The following SS18L2 variants were observed in gnomAD, a reference collection of about 807,000 sequenced individuals.
SS18L2 encodes SS18-like protein 2.
A neutral mutation model predicts 10.3 loss-of-function variants in SS18L2; 8 were observed. That is an observed-to-expected ratio of 0.78 (90% CI 0.46 to 1.41). The LOEUF (loss-of-function observed/expected upper bound fraction) is 1.41, where lower values mean the gene tolerates loss of function less well. Ranked by LOEUF, SS18L2 falls within the 40% of genes most tolerant of loss-of-function variation. The pLI, the probability that SS18L2 is intolerant of heterozygous loss-of-function variation, is 0.00. For synonymous variants in SS18L2, 41 were observed against 34.6 expected (o/e 1.19, Z -0.65); for missense variants, 100 against 96.2 (o/e 1.04, Z -0.17).
upstream of SS18L2, among the ~76,000 whole-genome samples, chr3:42,588,543 T>C (rs1284906792): frequency 6.6e-6 from 1 of 152,236 alleles, no homozygotes; most frequent in Non-Finnish European, 1.5e-5. Flanking sequence ...TGTGTGTATA[T>C]ATACATACCA....
intron 1 of SS18L2, among the ~76,000 whole-genome samples, chr3:42,583,094 C>G (rs950201889): frequency 5.9e-5 from 9 of 152,168 alleles, no homozygotes; most frequent in African/African-American, 1.9e-4. Context: ...ATAGAAGGGG[C>G]AGGACCATGT....
intron 1 of SS18L2, among the ~76,000 whole-genome samples, chr3:42,585,206 T>G (rs1704571345): frequency 6.6e-6 from 1 of 152,178 alleles, no homozygotes; most frequent in African/African-American, 2.4e-5. Context: ...GTGCGAGTGC[T>G]TTAGAACAGG....
At position 42,590,972 on chromosome 3, in the gene SS18L2, C is replaced by T; in HGVS notation, c.69+6C>T. The T allele has an allele frequency of 1.4e-6, 2 of 1,408,710 alleles. No individual in the cohort carries two copies. The highest frequency in any genetic ancestry group is 2.0e-6 in the Non-Finnish European group (2 of 1,010,678). The allele number at this position is 1,408,710 out of a possible 1,614,324, so 87.3% of individuals were successfully genotyped here. On this transcript the variant is annotated splice_donor_region_variant and intron_variant, in intron 1 of 2. Transcript: ENST00000011691. Reference sequence around the variant, plus strand: ...ATCAAGAGACTATCCAGCGGGTGAGCATCCACGCGGGCGGGCGGGCGGGCG... The same window carrying T: ...ATCAAGAGACTATCCAGCGGGTGAGTATCCACGCGGGCGGGCGGGCGGGCG...
upstream of SS18L2, among the ~76,000 whole-genome samples, chr3:42,590,306 C>T (rs1273167446): frequency 2.6e-5 from 4 of 152,156 alleles, no homozygotes; most frequent in Non-Finnish European, 5.9e-5. Context: ...GATCTGAAGC[C>T]ATGTATCTGG....
At position 42,590,939 on chromosome 3, in the gene SS18L2, G is replaced by A; in HGVS notation, c.42G>A (p.Ala14=). ...TACCGGACTGGCTGAGGGGCAAGGC[G>A]GAAGTCAATCAAGAGACTATCCAGC... ...AFVPDWLRGK[A]EVNQETIQRL... The change falls in exon 1 of 3, where the codon GCG becomes GCA. Residue 14 remains alanine (A), a synonymous_variant. Coordinates refer to ENST00000011691, the MANE Select transcript of SS18L2 (RefSeq NM_001370300.1). 2 of 1,402,612 alleles carry A rather than the reference G, an allele frequency of 1.4e-6. No homozygotes were observed. Among genetic ancestry groups the A allele is most frequent in the Non-Finnish European group, 1.9e-6 (2 of 1,046,720 alleles). The allele number at this position is 1,402,612 out of a possible 1,614,324, so 86.9% of individuals were successfully genotyped here.
intron 1 of SS18L2, among the ~76,000 whole-genome samples, chr3:42,583,531 C>T (rs1704503556): frequency 6.6e-6 from 1 of 152,102 alleles, no homozygotes; most frequent in African/African-American, 2.4e-5. Flanking sequence ...ATTTGAGGCA[C>T]CTTTGAGACT....
Position 42,592,357 on chromosome 3 carries a change from G to A in SS18L2, c.146+756G>A, listed in dbSNP as rs1287423767. On this transcript the variant is annotated intron_variant, in intron 2 of 2. Transcript: ENST00000011691. ...TGGGACTACAGGCGTGTGCCACCAC[G>A]CCCTGCTAATTTTTATATTTGTAGT... Among the ~76,000 whole-genome samples the A allele has an allele frequency of 5.3e-5, 8 of 151,914 alleles. No homozygotes were observed. The South Asian group carries it at 1.0e-3, about 20-fold the overall frequency.
intron 1 of SS18L2, chr3:42,591,174 C>T (rs1191779443): frequency 8.2e-6 from 5 of 609,694 alleles, no homozygotes; most frequent in African/African-American, 1.9e-5. Flanking sequence ...GCCGTCCAGA[C>T]GTCACACTGC....
At chr3:42,593,121 G>A (rs948487265) in intron 2 of SS18L2, among the ~76,000 whole-genome samples, 1 of 152,184 alleles carries the variant, frequency 6.6e-6, no homozygotes, top group African/African-American at 2.4e-5. Flanking sequence ...TAAACTGTGA[G>A]CCAGGTGTGG....
rs955186503 is a variant in SS18L2 at position 42,594,622 on chromosome 3, C to T, written c.*113C>T. ...TCTTTACCAACTCAACTGGTTAAAA[C>T]ATGAATGAAACCTCTGTGGCTCTTT... On this transcript the variant is annotated 3_prime_UTR_variant, in exon 3 of 3. Transcript: ENST00000011691. 1.2e-6 allele frequency: 1 copy of T among 862,830 alleles called. No homozygotes were observed. The allele number at this position is 862,830 out of a possible 1,614,324, so 53.4% of individuals were successfully genotyped here.
chr3:42,590,801 C>T, upstream of SS18L2: 1 of 1,267,928 alleles, frequency 7.9e-7, no homozygotes, highest in Non-Finnish European at 1.2e-6. Context: ...CTGTACCCCG[C>T]CCTGTAGGCG....
chr3:42,586,492 G>A (rs1704612685), upstream of SS18L2, among the ~76,000 whole-genome samples: 1 of 151,604 alleles, frequency 6.6e-6, no homozygotes. Context: ...CAAAGTGCTG[G>A]CATTACAGGT....
At chr3:42,586,246 GAC>G (rs1264819119), upstream of SS18L2, among the ~76,000 whole-genome samples, 1 of 152,158 alleles carries the variant, frequency 6.6e-6, no homozygotes, top group South Asian at 2.1e-4. Context: ...TTGTTGTTGA[GAC>G]AGAGTCTCGC....
chr3:42,593,400 G>A (rs1205423863), intron 2 of SS18L2, among the ~76,000 whole-genome samples: 1 of 152,218 alleles, frequency 6.6e-6, no homozygotes, highest in Non-Finnish European at 1.5e-5. Flanking sequence ...CTGGGTGACA[G>A]AGCAAGACTC....
chr3:42,589,376 G>C (rs1034932074), upstream of SS18L2, among the ~76,000 whole-genome samples: 5 of 152,206 alleles, frequency 3.3e-5, no homozygotes, highest in African/African-American at 1.2e-4. Context: ...CTCAGGATCA[G>C]GGCCACCACT....
rs190568801 is a variant in SS18L2 at position 42,594,519 on chromosome 3, A to G, written c.*10A>G. On this transcript the variant is annotated 3_prime_UTR_variant, in exon 3 of 3. Transcript: ENST00000011691. ...AAAAGCAATGGAATAATCTTTCAAA[A>G]GCAATAGAATAATCTTCCATTTGGC... The G allele has an allele frequency of 9.9e-5, 160 of 1,609,626 alleles. No homozygotes were observed. The African/African-American group carries it at 1.8e-3, about 19-fold the overall frequency.
chr3:42,589,997 C>G (rs1000115352), upstream of SS18L2, among the ~76,000 whole-genome samples: 2 of 152,142 alleles, frequency 1.3e-5, no homozygotes, highest in Non-Finnish European at 2.9e-5. Flanking sequence ...CCAGGCTGCC[C>G]GTATTCAGAG....
chr3:42,590,997 G>A (rs1186930584), intron 1 of SS18L2, 31 bp downstream of exon 1: 4 of 1,546,142 alleles, frequency 2.6e-6, no homozygotes, highest in Non-Finnish European at 3.5e-6. Flanking sequence ...GCGGGCGGGC[G>A]GAGAGAAGTC....
chr3:42,582,114 A>C (rs987433371), intron 1 of SS18L2: 2 of 152,128 alleles, frequency 1.3e-5, no homozygotes, highest in African/African-American at 2.4e-5. Context: ...GTGGTTCTTA[A>C]AGGGCTGCGA....
Sources: gnomAD v4.1 joint callset for allele counts (sites outside exome capture counted in the v4.1 genomes callset) on GRCh38, gnomAD v4.1.1 for gene constraint, MANE v1.5 for transcripts, NCBI Gene and HGNC (gene_info 2026-07-23, HGNC 2026-07-21) for gene names.